Variants in MAP7 observed in about 807,000 individuals in gnomAD.
The protein encoded by MAP7 is ensconsin.
Under a neutral mutation model 94.8 loss-of-function variants are expected in MAP7, and 52 were observed. The ratio of observed to expected loss-of-function variants is 0.55; its 90% CI spans 0.44 to 0.69. The LOEUF (loss-of-function observed/expected upper bound fraction) is 0.69, where lower values mean the gene tolerates loss of function less well. Ranked by LOEUF, MAP7 falls within the 30% of genes least tolerant of loss-of-function variation. MAP7 has a pLI of 0.00. For missense variants in MAP7, 940 were observed against 964.6 expected, an observed-to-expected ratio of 0.97 and a Z score of 0.34; for synonymous variants, 350 against 357.0, an observed-to-expected ratio of 0.98 and a Z score of 0.22.
intron 1 of MAP7, among the ~76,000 whole-genome samples, chr6:136,423,670 G>A (rs144894264): frequency 1.6e-3 from 234 of 149,720 alleles, no homozygotes; most frequent in Non-Finnish European, 2.6e-3. Flanking sequence ...GTTTGGGGGA[G>A]ATGACAGTTT....
intron 1 of MAP7, among the ~76,000 whole-genome samples, chr6:136,528,265 T>A (rs1355264687): frequency 1.3e-5 from 2 of 152,194 alleles, no homozygotes; most frequent in Non-Finnish European, 2.9e-5. Flanking sequence ...GCATATAAGA[T>A]CTTATTGTTT....
At chr6:136,487,902 T>C (rs1166252040) in intron 1 of MAP7, among the ~76,000 whole-genome samples, 6 of 152,164 alleles carry the variant, frequency 3.9e-5, no homozygotes, top group Non-Finnish European at 8.8e-5. Flanking sequence ...CTTCATACGC[T>C]AATATACAGA....
In MAP7 at chr6:136,432,700, A is replaced by G. The variant is rs143978336; in HGVS notation, c.68-10901T>C. On this transcript the variant is annotated intron_variant, in intron 1 of 17. Coordinates refer to ENST00000354570, the MANE Select transcript of MAP7 (RefSeq NM_003980.6). The stretch of plus-strand genomic sequence containing the variant: ...AATTACCTTCTCTCTCAACTGTTCT[A>G]CAAATAAACCTTTAATACTAGATAG... 6.6e-4 allele frequency among the ~76,000 whole-genome samples: 100 copies of G among 152,276 alleles called. 1 individual carries two copies. Among genetic ancestry groups the G allele is most frequent in the African/African-American group, 2.3e-3 (95 of 41,562 alleles).
At chr6:136,521,295 G>T (rs368972736) in intron 1 of MAP7, among the ~76,000 whole-genome samples, 63 of 152,286 alleles carry the variant, frequency 4.1e-4, no homozygotes, top group African/African-American at 1.4e-3. Flanking sequence ...TTCATGAGAA[G>T]TTTATTTCTA....
chr6:136,363,833 C>G (rs902449327), intron 10 of MAP7, among the ~76,000 whole-genome samples: 5 of 152,140 alleles, frequency 3.3e-5, no homozygotes, highest in African/African-American at 1.2e-4. Flanking sequence ...AACTGGCCAC[C>G]CTGTGTTCTA....
chr6:136,524,298 G>C (rs1314833761), intron 1 of MAP7, among the ~76,000 whole-genome samples: 3 of 152,118 alleles, frequency 2.0e-5, no homozygotes, highest in African/African-American at 7.2e-5. Context: ...GCTATCCTAA[G>C]TTACTGTCCA....
chr6:136,502,965 A>G (rs1820235784), intron 1 of MAP7, among the ~76,000 whole-genome samples: 2 of 152,174 alleles, frequency 1.3e-5, no homozygotes, highest in Non-Finnish European at 2.9e-5. Context: ...TCCTCTTGTT[A>G]ACTAAAATAG....
intron 1 of MAP7, among the ~76,000 whole-genome samples, chr6:136,445,544 C>G (rs927238197): frequency 2.6e-5 from 4 of 152,202 alleles, no homozygotes; most frequent in African/African-American, 7.2e-5. Flanking sequence ...GTATCCTTTT[C>G]TCCTGTTAAT....
chr6:136,439,859 G>A (rs371517074), intron 1 of MAP7, among the ~76,000 whole-genome samples: 7 of 152,148 alleles, frequency 4.6e-5, no homozygotes, highest in East Asian at 1.9e-4. Context: ...AAAAGAGAGC[G>A]AGAAGCTGAA....
Position 136,411,504 on chromosome 6 carries a change from A to G in MAP7, c.244+116T>C, listed in dbSNP as rs1787434905. ...ATCCCTATGTTTATATTTTATCATC[A>G]CATACTAAATTCTGCCTCATAGTCC... is the stretch of plus-strand genomic sequence containing the variant. On this transcript the variant is annotated intron_variant, in intron 3 of 17. Coordinates refer to ENST00000354570, the MANE Select transcript of MAP7 (RefSeq NM_003980.6). 6 of 808,184 alleles carry G rather than the reference A, an allele frequency of 7.4e-6. No homozygotes were observed. In the South Asian group the frequency reaches 1.0e-4, roughly 14 times the overall value. The allele number at this position is 808,184 out of a possible 1,614,324, so 50.1% of individuals were successfully genotyped here. A position where few individuals can be genotyped will look rare whatever the true frequency, so the allele number is the denominator to read the frequency against.
chr6:136,399,552 C>T (rs1783483585), intron 3 of MAP7, among the ~76,000 whole-genome samples: 1 of 151,832 alleles, frequency 6.6e-6, no homozygotes, highest in Non-Finnish European at 1.5e-5. Context: ...CAGAGTCTTG[C>T]TGTGTTGTCC....
At chr6:136,462,485 G>A (rs1346707620) in intron 1 of MAP7, among the ~76,000 whole-genome samples, 1 of 152,138 alleles carries the variant, frequency 6.6e-6, no homozygotes, top group Admixed American at 6.5e-5. Flanking sequence ...TGCCTGGACA[G>A]CATAGCAGAT....
intron 1 of MAP7, among the ~76,000 whole-genome samples, chr6:136,494,811 CTG>C (rs1817707375): frequency 1.3e-5 from 2 of 152,190 alleles, no homozygotes; most frequent in Admixed American, 1.3e-4. Flanking sequence ...CAATTTCACA[CTG>C]TGTCAAATCC....
chr6:136,454,809 G>A (rs574330100), intron 1 of MAP7, among the ~76,000 whole-genome samples: 2 of 152,178 alleles, frequency 1.3e-5, no homozygotes, highest in East Asian at 3.9e-4. Context: ...TGATATGGGA[G>A]GATGGCTTAA....
intron 1 of MAP7, among the ~76,000 whole-genome samples, chr6:136,423,207 G>A (rs1411830769): frequency 6.6e-6 from 1 of 152,130 alleles, no homozygotes; most frequent in East Asian, 1.9e-4. Flanking sequence ...AGTGTGTTTT[G>A]GAGTCAGCAA....
chr6:136,351,460 C>T (rs577674881), intron 16 of MAP7, among the ~76,000 whole-genome samples: 7 of 152,288 alleles, frequency 4.6e-5, no homozygotes, highest in South Asian at 2.1e-4. Flanking sequence ...TCACAGATAG[C>T]ATTTCACTGA....
Position 136,414,252 on chromosome 6 carries a change from C to CAAAAAAAAAAAAAAAAAAAAAAAAAA in MAP7, c.167-2581_167-2556dup, listed in dbSNP as rs559869492. Among the ~76,000 whole-genome samples the CAAAAAAAAAAAAAAAAAAAAAAAAAA allele has an allele frequency of 1.3e-4, 2 of 15,948 alleles. 1 individual carries two copies. Among genetic ancestry groups the CAAAAAAAAAAAAAAAAAAAAAAAAAA allele is most frequent in the Non-Finnish European group, 3.2e-4 (2 of 6,156 alleles). 10.5% of individuals were successfully genotyped at this position (15,948 alleles called of 152,430 possible). A position where few individuals can be genotyped will look rare whatever the true frequency, so the allele number is the denominator to read the frequency against. On this transcript the variant is annotated intron_variant, in intron 2 of 17. Transcript: ENST00000354570. ...TGGGCGACAGAGCGAGACTCCGTCTCAAAAAAAAAAAAAAAAAAAAAAAAA... is the reference window on the plus strand; with the variant it reads ...TGGGCGACAGAGCGAGACTCCGTCTCAAAAAAAAAAAAAAAAAAAAAAAAAAAAAAAAAAAAAAAAAAAAAAAAAAA...
At chr6:136,470,339 T>A (rs1583007413) in intron 1 of MAP7, among the ~76,000 whole-genome samples, 2 of 152,036 alleles carry the variant, frequency 1.3e-5, no homozygotes, top group Admixed American at 1.3e-4. Context: ...TTCTGAAGTA[T>A]AATTGGCAAA....
At position 136,360,023 on chromosome 6, in the gene MAP7, C is replaced by T; in HGVS notation, c.1812G>A (p.Glu604=). 1 of 1,612,584 alleles carries T rather than the reference C, an allele frequency of 6.2e-7. No homozygotes were observed. The highest frequency in any genetic ancestry group is 8.5e-7 in the Non-Finnish European group (1 of 1,179,592). ...QERLERKKRL[E]EIMKRTRRTE... ...TTCTCCTGGTTCTTTTCATAATCTC[C>T]TCAAGTCGCTATAGGAAAGGAAGAA... is the stretch of plus-strand genomic sequence containing the variant. Residue 604 remains glutamate (E), a synonymous_variant, in exon 14 of 18, where the codon GAG becomes GAA. Coordinates refer to ENST00000354570, the MANE Select transcript of MAP7 (RefSeq NM_003980.6).
Sources: allele counts gnomAD v4.1 joint callset (sites outside exome capture counted in the v4.1 genomes callset), GRCh38; gene constraint gnomAD v4.1.1; transcripts MANE v1.5; gene names NCBI Gene and HGNC (gene_info 2026-07-23, HGNC 2026-07-21).